MPRIP: variants seen among roughly 807,000 people sequenced by gnomAD.
MPRIP encodes the protein myosin phosphatase Rho-interacting protein.
MPRIP carries 59 observed loss-of-function variants against 234.9 expected under a neutral mutation model. The ratio of observed to expected loss-of-function variants is 0.25; its 90% confidence interval spans 0.20 to 0.31. MPRIP has a LOEUF of 0.31. Ranked by LOEUF, MPRIP falls within the 10% of genes least tolerant of loss-of-function variation. The probability of loss-of-function intolerance (pLI) is 1.00; values close to 1 mark genes in which losing one functional copy is unlikely to be tolerated. For synonymous variants in MPRIP, 1,144 were observed against 1,263.9 expected (o/e 0.91, Z 2.01); for missense variants, 2,436 against 3,071.0 (o/e 0.79, Z 4.89).
In MPRIP at chr17:17,165,286, G is replaced by A. The variant is rs878929516; in HGVS notation, c.3695G>A (p.Ser1232Asn). 11 of 1,303,968 alleles carry A rather than the reference G, an allele frequency of 8.4e-6. No homozygotes were observed. Among genetic ancestry groups the A allele is most frequent in the Non-Finnish European group, 1.1e-5 (11 of 988,976 alleles). 80.8% of individuals were successfully genotyped at this position (1,303,968 alleles called of 1,614,324 possible). A position where few individuals can be genotyped will look rare whatever the true frequency, so the allele number is the denominator to read the frequency against. ...CCAAAGGACATGGAAGAGCCACGGA[G>A]TACCCCTGAAGAGACAGAAAGGGAT... ...ESPKDMEEPR[S>N]TPEETERDGT... Residue 1232 changes from serine (S) to asparagine (N), a missense_variant, in exon 16 of 24, where the codon AGT becomes AAT. Ser to Asn is a conservative substitution (Grantham distance 46, BLOSUM62 1). Around this residue, in one of 4 missense-constraint regions of MPRIP, gnomAD observed 1,998 missense variants for 2,520.3 expected, o/e 0.79. Coordinates refer to ENST00000651222, the MANE Select transcript of MPRIP (RefSeq NM_001364716.4).
At chr17:17,077,907 G>A in intron 2 of MPRIP, 104 bp from the exon 3 acceptor site, 2 of 1,104,738 alleles carry the variant, frequency 1.8e-6, no homozygotes, top group East Asian at 2.4e-5. Context: ...TCTGTGGAGT[G>A]ACCTTCCTTA....
At chr17:17,080,277 T>C (rs1471814910) in intron 3 of MPRIP, among the ~76,000 whole-genome samples, 2 of 152,178 alleles carry the variant, frequency 1.3e-5, no homozygotes, top group African/African-American at 2.4e-5. Flanking sequence ...GAGAGATTTC[T>C]CTAGCACCCA....
chr17:17,139,002 CTTTTGCCCTCCAGGGGAGCATTGCT>C (rs904669297), intron 7 of MPRIP, among the ~76,000 whole-genome samples: 144 of 152,368 alleles, frequency 9.5e-4, no homozygotes, highest in African/African-American at 3.3e-3. Context: ...AATAGCATTG[CTTTTGCCCTCCAGGGGAGCATTGCT>C]TTTTGCCCTC....
chr17:17,078,427 G>A lies in MPRIP; in HGVS notation c.267+351G>A, dbSNP rs2089385735. Among the ~76,000 whole-genome samples, 1 of 152,242 alleles carries A rather than the reference G, an allele frequency of 6.6e-6. No homozygotes were observed. Among genetic ancestry groups the A allele is most frequent in the Non-Finnish European group, 1.5e-5 (1 of 68,040 alleles). ...TGCAGGCTGTGGACCTGTGGGCGTG[G>A]GGCAGGGGCTGGCCCTGGGGCTGGC... On this transcript the variant is annotated intron_variant, in intron 3 of 23. Coordinates refer to ENST00000651222, the MANE Select transcript of MPRIP (RefSeq NM_001364716.4). The surrounding 1 kb of genome is among the most constrained non-coding windows in gnomAD (Gnocchi z 4.3).
chr17:17,178,708 A>C (rs1244423075), intron 22 of MPRIP: 1 of 151,946 alleles, frequency 6.6e-6, no homozygotes, highest in Non-Finnish European at 1.5e-5. Context: ...TGATCTCAAA[A>C]GTTCAAGACC....
At chr17:17,056,346 C>T (rs1386249882) in intron 1 of MPRIP, among the ~76,000 whole-genome samples, 1 of 152,220 alleles carries the variant, frequency 6.6e-6, no homozygotes, top group Non-Finnish European at 1.5e-5. Flanking sequence ...TGAATGGCGT[C>T]ATGTTCCAAA....
chr17:17,179,998 C>A lies in MPRIP; in HGVS notation c.7121-5C>A. On this transcript the variant is annotated splice_region_variant and splice_polypyrimidine_tract_variant and intron_variant, in intron 22 of 23. Transcript: ENST00000651222. The stretch of plus-strand genomic sequence containing the variant: ...AGGTCTGTTTGTTTTCATTATATAC[C>A]GCAGATATAATGAAATCTAAAAGCA... 1 of 1,588,936 alleles carries A rather than the reference C, an allele frequency of 6.3e-7. No individual in the cohort carries two copies. Among genetic ancestry groups the A allele is most frequent in the African/African-American group, 1.4e-5 (1 of 73,548 alleles).
chr17:17,165,834 C>G lies in MPRIP; in HGVS notation c.4243C>G (p.Leu1415Val). 1 of 1,304,290 alleles carries G rather than the reference C, an allele frequency of 7.7e-7. No homozygotes were observed. Among genetic ancestry groups the G allele is most frequent in the Non-Finnish European group, 1.0e-6 (1 of 988,984 alleles). 80.8% of individuals were successfully genotyped at this position (1,304,290 alleles called of 1,614,324 possible). A position where few individuals can be genotyped will look rare whatever the true frequency, so the allele number is the denominator to read the frequency against. Residue 1415 changes from leucine to valine, a missense_variant, in exon 16 of 24, where the codon CTG becomes GTG. Physicochemically the swap from Leu to Val is conservative, Grantham distance 32. Coordinates refer to ENST00000651222, the MANE Select transcript of MPRIP (RefSeq NM_001364716.4). ...CCAGCAGGGTCAGAGCCGTGAGGCA[C>G]TGCTCGCACTGCACCACCAGTGGGC... The part of the protein sequence containing the change: ...ESQQGQSREA[L>V]LALHHQWAGT...
intron 14 of MPRIP, among the ~76,000 whole-genome samples, 189 bp from the exon 15 acceptor site, chr17:17,161,051 A>G (rs1404080572): frequency 6.6e-6 from 1 of 152,218 alleles, no homozygotes; most frequent in Non-Finnish European, 1.5e-5. Context: ...TGCCATTGTT[A>G]CTGATGGCTT....
rs1222506699 is a variant in MPRIP, at chr17:17,189,467, G to GC, written c.*4574dup. On this transcript the variant is annotated 3_prime_UTR_variant, in exon 24 of 24. Transcript: ENST00000651222. ...GCCTCCCAAAGTGCTGGGATTACAGGCGTGAGCCACCACGCCTGGCCTATA... is the reference window on the plus strand; with the variant it reads ...GCCTCCCAAAGTGCTGGGATTACAGGCCGTGAGCCACCACGCCTGGCCTATA... 6.6e-6 allele frequency: 1 copy of GC among 151,816 alleles called. No homozygotes were observed. The highest frequency in any genetic ancestry group is 1.5e-5 in the Non-Finnish European group (1 of 67,984). The allele number at this position is 151,816 out of a possible 1,614,324, so 9.4% of individuals were successfully genotyped here. A position where few individuals can be genotyped will look rare whatever the true frequency, so the allele number is the denominator to read the frequency against.
rs759036531 is a variant in MPRIP, at chr17:17,166,411, C to A, written c.4820C>A (p.Ser1607Tyr). The change falls in exon 16 of 24, where the codon TCT (serine) becomes TAT (tyrosine). Residue 1607 changes from serine to tyrosine, a missense_variant. Coordinates refer to ENST00000651222, the MANE Select transcript of MPRIP (RefSeq NM_001364716.4). This position sits in a 1 kb window ranked among gnomAD's most constrained non-coding sequence, Gnocchi z 4.4. Reference sequence around the variant, plus strand: ...TGGTCAGGACAGCCACCGATGGAATCTGCTGGGGCCCCCGTAGACACCTGG... The same window carrying A: ...TGGTCAGGACAGCCACCGATGGAATATGCTGGGGCCCCCGTAGACACCTGG... The part of the protein sequence containing the change: ...ISWSGQPPME[S>Y]AGAPVDTWAR... 9 of 1,304,350 alleles carry A rather than the reference C, an allele frequency of 6.9e-6. No homozygotes were observed. Among genetic ancestry groups the A allele is most frequent in the Middle Eastern group, 2.1e-4 (1 of 4,722 alleles). 80.8% of individuals were successfully genotyped at this position (1,304,350 alleles called of 1,614,324 possible).
Position 17,143,610 on chromosome 17 carries a change from C to G in MPRIP, c.1444C>G (p.Leu482Val), listed in dbSNP as rs1034465144. The change falls in exon 9 of 24, where the codon CTG (leucine) becomes GTG (valine). Residue 482 changes from leucine to valine, a missense_variant. Leu to Val is a conservative substitution (Grantham distance 32). Coordinates refer to ENST00000651222, the MANE Select transcript of MPRIP (RefSeq NM_001364716.4). ...TCTCCCAGACGCCTCGGCTTCCCCC[C>G]TGTCTCCACACCGAAGAGCCAAGTC... ...APLPDASASPLSPHRRAKSLD... is the reference protein window; with the variant it reads ...APLPDASASPVSPHRRAKSLD... 2 of 1,607,194 alleles carry G rather than the reference C, an allele frequency of 1.2e-6. No homozygotes were observed. The highest frequency in any genetic ancestry group is 2.2e-5 in the East Asian group (1 of 44,452).
rs140549054 is a variant in MPRIP at position 17,093,488 on chromosome 17, G to A, written c.267+15412G>A. Among the ~76,000 whole-genome samples the A allele has an allele frequency of 3.5e-4, 54 of 152,172 alleles. 1 individual carries two copies. The East Asian group carries it at 9.7e-3, about 27-fold the overall frequency. On this transcript the variant is annotated intron_variant, in intron 3 of 23. Transcript: ENST00000651222. ...GTAGTTTGTTGTTGTTATTTTTTCC[G>A]GGGCAGGGGGATTACATAAGATTTA...
intron 3 of MPRIP, among the ~76,000 whole-genome samples, chr17:17,125,616 G>C (rs542325093): frequency 6.6e-6 from 1 of 152,206 alleles, no homozygotes; most frequent in Non-Finnish European, 1.5e-5. Flanking sequence ...GAAGAAGGTC[G>C]GGGTGTGGAG....
chr17:17,132,609 G>A (rs1300162250), intron 5 of MPRIP, among the ~76,000 whole-genome samples: 2 of 152,214 alleles, frequency 1.3e-5, no homozygotes, highest in Admixed American at 6.5e-5. Flanking sequence ...GCATGCACTG[G>A]TCTGGGTCCC....
At chr17:17,132,032 A>G (rs2090607555) in intron 5 of MPRIP, among the ~76,000 whole-genome samples, 1 of 152,202 alleles carries the variant, frequency 6.6e-6, no homozygotes, top group Admixed American at 6.5e-5. Flanking sequence ...GCCACAGTCA[A>G]AAGGACTCTG....
chr17:17,170,192 A>ATT (rs1486036350), intron 16 of MPRIP: 1 of 129,932 alleles, frequency 7.7e-6, no homozygotes, highest in East Asian at 2.7e-4. Context: ...ATATATATAT[A>ATT]TATTTTTTTT....
chr17:17,122,168 C>T (rs936791131), intron 3 of MPRIP, among the ~76,000 whole-genome samples: 1 of 151,860 alleles, frequency 6.6e-6, no homozygotes, highest in African/African-American at 2.4e-5. Flanking sequence ...GGGTATATAC[C>T]CAGTAATGAG....
At chr17:17,172,850 G>A (rs149717393) in intron 18 of MPRIP, 35 bp downstream of exon 18, 51,740 of 1,568,288 alleles carry the variant, frequency 0.033, 1,067 homozygotes, top group Middle Eastern at 0.038. Flanking sequence ...GCCCTTGGGA[G>A]GGCCCCTCTG....
Sources: allele counts gnomAD v4.1 joint callset (sites outside exome capture counted in the v4.1 genomes callset), GRCh38; gene constraint gnomAD v4.1.1; regional missense constraint gnomAD v4.1.1; non-coding constraint Gnocchi (gnomAD v3.1); transcripts MANE v1.5; gene names NCBI Gene and HGNC (gene_info 2026-07-23, HGNC 2026-07-21).